Variants in CNTNAP5 observed in about 807,000 individuals in gnomAD.
The protein encoded by CNTNAP5 is contactin associated protein family member 5.
In CNTNAP5, 72 loss-of-function variants were observed where a neutral mutation model predicts 150.2. The ratio of observed to expected loss-of-function variants is 0.48; its 90% CI spans 0.40 to 0.58. CNTNAP5 has a LOEUF of 0.58. Ranked by LOEUF, CNTNAP5 falls within the 20% of genes least tolerant of loss-of-function variation. The pLI is 0.00. For synonymous variants in CNTNAP5, 672 were observed against 619.8 expected, an observed-to-expected ratio of 1.08 and a Z score of -1.25; for missense variants, 1,636 against 1,626.2, an observed-to-expected ratio of 1.01 and a Z score of -0.10.
intron 1 of CNTNAP5, among the ~76,000 whole-genome samples, chr2:124,107,645 T>C (rs1393415848): frequency 1.3e-5 from 2 of 152,242 alleles, no homozygotes; most frequent in Non-Finnish European, 2.9e-5. Flanking sequence ...CTGGTGACTG[T>C]ATCAAAATAA....
At chr2:124,113,621 G>A (rs1165267777) in intron 1 of CNTNAP5, among the ~76,000 whole-genome samples, 4 of 151,468 alleles carry the variant, frequency 2.6e-5, no homozygotes, top group Non-Finnish European at 5.9e-5. Flanking sequence ...TCATCTTACT[G>A]TGTGTTTGTT....
intron 2 of CNTNAP5, among the ~76,000 whole-genome samples, chr2:124,225,258 A>G (rs1686427251): frequency 2.0e-5 from 3 of 152,130 alleles, no homozygotes; most frequent in African/African-American, 7.2e-5. Context: ...TATACTCACA[A>G]CTACCCTTTA....
chr2:124,590,770 CT>C (rs1696660605), intron 11 of CNTNAP5, among the ~76,000 whole-genome samples: 1 of 152,106 alleles, frequency 6.6e-6, no homozygotes, highest in Admixed American at 6.6e-5. Context: ...AAAATATGTA[CT>C]CAGCTTCTTG....
At chr2:124,336,952 T>A (rs1377849695) in intron 3 of CNTNAP5, among the ~76,000 whole-genome samples, 3 of 152,158 alleles carry the variant, frequency 2.0e-5, no homozygotes, top group Non-Finnish European at 4.4e-5. Context: ...ATCGCCACAC[T>A]GATTTCCACA....
At chr2:124,371,724 T>C (rs1690532032) in intron 3 of CNTNAP5, among the ~76,000 whole-genome samples, 1 of 151,886 alleles carries the variant, frequency 6.6e-6, no homozygotes, top group Non-Finnish European at 1.5e-5. Context: ...CAGGAAATCA[T>C]ACATGTAATC....
chr2:124,567,834 ATGAT>A (rs1362396387), intron 11 of CNTNAP5, among the ~76,000 whole-genome samples: 3 of 116,288 alleles, frequency 2.6e-5, no homozygotes, highest in Non-Finnish European at 5.4e-5. Context: ...TAGGGCATAG[ATGAT>A]AGATAGATAG....
intron 19 of CNTNAP5, among the ~76,000 whole-genome samples, chr2:124,801,830 G>GA (rs1247993254): frequency 3.9e-4 from 58 of 150,544 alleles, no homozygotes; most frequent in South Asian, 1.3e-3. Flanking sequence ...ACACTGTCGT[G>GA]AAAAAAAAAT....
At chr2:124,243,678 G>A (rs1012636837) in intron 3 of CNTNAP5, among the ~76,000 whole-genome samples, 4 of 152,090 alleles carry the variant, frequency 2.6e-5, no homozygotes, top group Admixed American at 6.6e-5. Context: ...TTGGGAGGAC[G>A]GCGAGAGTCC....
chr2:124,821,739 C>A (rs1425497399), intron 19 of CNTNAP5, among the ~76,000 whole-genome samples: 1 of 152,162 alleles, frequency 6.6e-6, no homozygotes, highest in Non-Finnish European at 1.5e-5. Flanking sequence ...GATCCCTGGA[C>A]CTACAGTACC....
chr2:124,308,610 G>A (rs1688747329), intron 3 of CNTNAP5, among the ~76,000 whole-genome samples: 1 of 152,208 alleles, frequency 6.6e-6, no homozygotes, highest in South Asian at 2.1e-4. Context: ...TTGTTTGAGT[G>A]ATAAAATAAG....
At chr2:124,690,313 A>G (rs1392558715) in intron 13 of CNTNAP5, among the ~76,000 whole-genome samples, 2 of 152,056 alleles carry the variant, frequency 1.3e-5, no homozygotes, top group African/African-American at 4.8e-5. Flanking sequence ...TTAGTTATTT[A>G]TTTGAGGACT....
intron 10 of CNTNAP5, among the ~76,000 whole-genome samples, chr2:124,550,168 A>G (rs2104915862): frequency 6.6e-6 from 1 of 152,364 alleles, no homozygotes; most frequent in African/African-American, 2.4e-5. Flanking sequence ...ATACCATTTT[A>G]ACATAAAACT....
chr2:124,490,792 ATATT>A (rs1285459791), intron 7 of CNTNAP5, among the ~76,000 whole-genome samples: 3 of 152,090 alleles, frequency 2.0e-5, no homozygotes, highest in Non-Finnish European at 4.4e-5. Context: ...TACCGATTGT[ATATT>A]TAAATAATAT....
At chr2:124,477,462 C>T (rs186542934) in intron 7 of CNTNAP5, among the ~76,000 whole-genome samples, 2 of 152,112 alleles carry the variant, frequency 1.3e-5, no homozygotes, top group African/African-American at 4.8e-5. Context: ...TGTGTCAAGT[C>T]CCTGACTCCT....
chr2:124,842,716 T>C (rs969229101), intron 19 of CNTNAP5, among the ~76,000 whole-genome samples: 1 of 152,134 alleles, frequency 6.6e-6, no homozygotes, highest in South Asian at 2.1e-4. Flanking sequence ...AACCCATCAC[T>C]GAATAGTTTG....
chr2:124,900,673 G>A (rs1678398151), intron 21 of CNTNAP5, among the ~76,000 whole-genome samples: 1 of 151,616 alleles, frequency 6.6e-6, no homozygotes, highest in African/African-American at 2.4e-5. Context: ...TGGACACTAT[G>A]TAGGCTTCTT....
At chr2:124,908,558 T>C (rs1208907159) in intron 22 of CNTNAP5, among the ~76,000 whole-genome samples, 1 of 152,082 alleles carries the variant, frequency 6.6e-6, no homozygotes, top group African/African-American at 2.4e-5. Context: ...CCTAATGAAG[T>C]TGTAGCAATC....
intron 13 of CNTNAP5, among the ~76,000 whole-genome samples, chr2:124,744,278 G>T (rs1680561293): frequency 6.6e-6 from 1 of 152,092 alleles, no homozygotes; most frequent in South Asian, 2.1e-4. Context: ...TTGGCACTCA[G>T]TTCTCTCTTA....
rs1403095370 is a variant in CNTNAP5, at chr2:124,916,539, GGAAC to G, written c.*2252_*2255del. The stretch of plus-strand genomic sequence containing the variant: ...AAAGGAAGGTATGAGTAATAAAGCT[GGAAC>G]TCTTCATTATTCAATCTTTGAGCAG... On this transcript the variant is annotated 3_prime_UTR_variant, in exon 24 of 24. Coordinates refer to ENST00000682447, the MANE Select transcript of CNTNAP5 (RefSeq NM_001367498.1). Among the ~76,000 whole-genome samples the G allele has an allele frequency of 6.6e-6, 1 of 152,030 alleles. No individual in the cohort carries two copies. Among genetic ancestry groups the G allele is most frequent in the Non-Finnish European group, 1.5e-5 (1 of 67,988 alleles).
Sources: allele counts gnomAD v4.1 joint callset (sites outside exome capture counted in the v4.1 genomes callset), GRCh38; gene constraint gnomAD v4.1.1; transcripts MANE v1.5; gene names NCBI Gene and HGNC (gene_info 2026-07-23, HGNC 2026-07-21).